DGKB: variants seen among roughly 807,000 people sequenced by gnomAD.
DGKB encodes 90 kDa diacylglycerol kinase.
Under a neutral mutation model 114.3 loss-of-function variants are expected in DGKB, and 67 were observed. The ratio of observed to expected loss-of-function variants is 0.59; its 90% CI spans 0.48 to 0.72. The LOEUF (loss-of-function observed/expected upper bound fraction) is 0.72, where lower values mean the gene tolerates loss of function less well. DGKB is among the 30% of genes least tolerant of loss of function. The probability of loss-of-function intolerance (pLI) is 0.00; values close to 1 mark genes in which losing one functional copy is unlikely to be tolerated. For synonymous variants in DGKB, 398 were observed against 323.1 expected, an observed-to-expected ratio of 1.23 and a Z score of -2.49; for missense variants, 907 against 975.2, an observed-to-expected ratio of 0.93 and a Z score of 0.93.
At chr7:14,323,011 A>C (rs1261399678) in intron 23 of DGKB, among the ~76,000 whole-genome samples, 1 of 152,198 alleles carries the variant, frequency 6.6e-6, no homozygotes. Context: ...ATAGCTGAAC[A>C]TGCACATACC....
chr7:14,733,049 G>T (rs1252961435), intron 5 of DGKB, among the ~76,000 whole-genome samples: 3 of 152,144 alleles, frequency 2.0e-5, no homozygotes, highest in Admixed American at 1.3e-4. Flanking sequence ...TAAGGTATGT[G>T]TGTGATACAT....
At chr7:14,595,291 G>A (rs530240299) in intron 17 of DGKB, among the ~76,000 whole-genome samples, 5 of 152,064 alleles carry the variant, frequency 3.3e-5, no homozygotes, top group South Asian at 2.1e-4. Flanking sequence ...ATGAGAAAGC[G>A]GTTCTTTAGT....
At chr7:14,570,036 G>T (rs568719739) in intron 20 of DGKB, among the ~76,000 whole-genome samples, 5 of 150,868 alleles carry the variant, frequency 3.3e-5, no homozygotes, top group African/African-American at 1.2e-4. Flanking sequence ...TGGCAAATTT[G>T]CTATAATCTC....
intron 1 of DGKB, among the ~76,000 whole-genome samples, chr7:14,932,529 A>G (rs1287968717): frequency 6.6e-6 from 1 of 152,160 alleles, no homozygotes; most frequent in Non-Finnish European, 1.5e-5. Context: ...AATACTGCAA[A>G]CCATAAAATT....
intron 1 of DGKB, among the ~76,000 whole-genome samples, chr7:14,952,045 G>A (rs1424946480): frequency 6.6e-6 from 1 of 151,950 alleles, no homozygotes; most frequent in Non-Finnish European, 1.5e-5. Flanking sequence ...TATTATAGGT[G>A]TAGATGAGGT....
intron 1 of DGKB, among the ~76,000 whole-genome samples, chr7:14,902,105 GTTTTA>G (rs562897617): frequency 2.4e-4 from 37 of 152,216 alleles, no homozygotes; most frequent in African/African-American, 8.7e-4. Flanking sequence ...CCTACTTCAC[GTTTTA>G]TTTTAATTTA....
chr7:14,325,875 T>C (rs1156490741), intron 23 of DGKB, among the ~76,000 whole-genome samples: 1 of 152,158 alleles, frequency 6.6e-6, no homozygotes, highest in Non-Finnish European at 1.5e-5. Flanking sequence ...CTTCAAATAT[T>C]CTAGATGGGT....
Position 14,736,042 on chromosome 7 carries a change from G to A in DGKB, c.321C>T (p.Gly107=), listed in dbSNP as rs145868435. 1.3e-3 allele frequency: 2,057 copies of A among 1,580,242 alleles called. 51 individuals carry two copies. The Admixed American group carries it at 0.035, about 27-fold the overall frequency. Residue 107 remains glycine (G), a splice_region_variant and synonymous_variant, in exon 5 of 26, where the codon GGC becomes GGT. Coordinates refer to ENST00000402815, the MANE Select transcript of DGKB (RefSeq NM_001350709.2). ...AATGTTTAAAGTAAGTAAACTTACC[G>A]CCTGATAGGAGAGCAGGCTTACTTT... The part of the protein sequence containing the change: ...MVKSKPALLS[G]GLRMNKGAIT...
intron 17 of DGKB, among the ~76,000 whole-genome samples, chr7:14,591,981 G>A (rs1353438163): frequency 4.0e-5 from 6 of 151,780 alleles, no homozygotes; most frequent in East Asian, 3.9e-4. Context: ...ACATCAATAC[G>A]TAAATATTAC....
At chr7:14,930,856 G>A (rs867458670) in intron 1 of DGKB, among the ~76,000 whole-genome samples, 3 of 152,006 alleles carry the variant, frequency 2.0e-5, no homozygotes, top group Non-Finnish European at 2.9e-5. Context: ...TGTACATGAC[G>A]TTCTGTATTT....
chr7:14,718,098 C>T (rs10499462), intron 6 of DGKB, among the ~76,000 whole-genome samples: 20,874 of 152,064 alleles, frequency 0.14, 1,708 homozygotes, highest in Middle Eastern at 0.24. Flanking sequence ...TCTCTGCCAA[C>T]AAGAGTGTTA....
At chr7:14,811,034 C>A (rs902200041) in intron 2 of DGKB, among the ~76,000 whole-genome samples, 26 of 152,132 alleles carry the variant, frequency 1.7e-4, no homozygotes, top group African/African-American at 5.6e-4. Flanking sequence ...AATGAAGTTA[C>A]AGTTTCAGAT....
rs1376628660 is a variant in DGKB, at chr7:14,254,104, G to T, written c.2123-75953C>A. ...AGGTACAAAAGAAGAAGTAGGAGGG[G>T]ACTATATTCTATAGATGAAAATTTT... On this transcript the variant is annotated intron_variant, in intron 23 of 25. Transcript: ENST00000402815. Among the ~76,000 whole-genome samples, 3 of 152,268 alleles carry T rather than the reference G, an allele frequency of 2.0e-5. No homozygotes were observed. The East Asian group carries it at 5.8e-4, about 29-fold the overall frequency.
At chr7:14,330,575 A>T (rs1809550523) in intron 23 of DGKB, among the ~76,000 whole-genome samples, 1 of 151,972 alleles carries the variant, frequency 6.6e-6, no homozygotes, top group Admixed American at 6.6e-5. Context: ...ACTTCTTGTC[A>T]GATTTTGTTT....
At chr7:14,403,842 A>G (rs1306779571) in intron 21 of DGKB, among the ~76,000 whole-genome samples, 1 of 151,906 alleles carries the variant, frequency 6.6e-6, no homozygotes, top group African/African-American at 2.4e-5. Flanking sequence ...AAGACACCTA[A>G]AATCAGAACC....
intron 1 of DGKB, among the ~76,000 whole-genome samples, chr7:14,855,393 G>T (rs1224129821): frequency 6.6e-6 from 1 of 152,084 alleles, no homozygotes; most frequent in Non-Finnish European, 1.5e-5. Flanking sequence ...TTATAAATAT[G>T]TGCTACATAT....
At chr7:14,396,213 T>C (rs1257297732) in intron 21 of DGKB, among the ~76,000 whole-genome samples, 1 of 152,080 alleles carries the variant, frequency 6.6e-6, no homozygotes, top group Non-Finnish European at 1.5e-5. Flanking sequence ...AATTTCACAT[T>C]TTTTTCTAAA....
At chr7:14,823,577 T>C (rs138539586) in intron 2 of DGKB, among the ~76,000 whole-genome samples, 34 of 152,268 alleles carry the variant, frequency 2.2e-4, no homozygotes, top group African/African-American at 8.2e-4. Context: ...TTTTAAAATC[T>C]ATCTCTGCAC....
intron 23 of DGKB, among the ~76,000 whole-genome samples, chr7:14,331,911 C>G (rs1287068593): frequency 1.3e-5 from 2 of 152,098 alleles, no homozygotes; most frequent in African/African-American, 4.8e-5. Flanking sequence ...GATACACAGT[C>G]TCTCCCAACA....
Sources: allele counts gnomAD v4.1 joint callset (sites outside exome capture counted in the v4.1 genomes callset), GRCh38; gene constraint gnomAD v4.1.1; transcripts MANE v1.5; gene names NCBI Gene and HGNC (gene_info 2026-07-23, HGNC 2026-07-21).